PRKCE: variants seen among roughly 807,000 people sequenced by gnomAD.
PRKCE encodes the protein protein kinase C epsilon type.
A neutral mutation model predicts 85.4 loss-of-function variants in PRKCE; 16 were observed. The ratio of observed to expected loss-of-function variants is 0.19; its 90% CI spans 0.13 to 0.28. The LOEUF (loss-of-function observed/expected upper bound fraction) is 0.28, where lower values mean the gene tolerates loss of function less well. PRKCE is among the 10% of genes least tolerant of loss of function. The pLI is 1.00. For synonymous variants in PRKCE, 388 were observed against 371.5 expected (o/e 1.04, Z -0.51); for missense variants, 573 against 975.2 (o/e 0.59, Z 5.49).
rs138247815 is a variant in PRKCE at position 45,977,763 on chromosome 2, T to C, written c.572+1175T>C. 3.9e-5 allele frequency among the ~76,000 whole-genome samples: 6 copies of C among 152,246 alleles called. No homozygotes were observed. In the East Asian group the frequency reaches 9.6e-4, roughly 24 times the overall value. ...TGAGACTGGCCTGATGTCCTCTAGC[T>C]AGGAAGTGTCAGAAGTATGATTCTA... On this transcript the variant is annotated intron_variant, in intron 3 of 14. Coordinates refer to ENST00000306156, the MANE Select transcript of PRKCE (RefSeq NM_005400.3).
chr2:46,109,989 C>T (rs982589096), intron 11 of PRKCE, among the ~76,000 whole-genome samples: 9 of 152,156 alleles, frequency 5.9e-5, no homozygotes, highest in East Asian at 3.9e-4. Context: ...GCTATTGATA[C>T]GGCAGACTAC....
In PRKCE at chr2:45,736,411, A is replaced by G. The variant is rs1395649751; in HGVS notation, c.348+83963A>G. Among the ~76,000 whole-genome samples the G allele has an allele frequency of 2.0e-5, 3 of 152,152 alleles. No homozygotes were observed. In the East Asian group the frequency reaches 5.8e-4, roughly 29 times the overall value. On this transcript the variant is annotated intron_variant, in intron 1 of 14. Transcript: ENST00000306156. ...GCAGGGCTGGTGTTCCTGTGACTAG[A>G]TCATACTGTCTAAAGCATTTTTCTT...
chr2:45,858,595 G>C (rs1456063234), intron 2 of PRKCE, among the ~76,000 whole-genome samples: 1 of 152,022 alleles, frequency 6.6e-6, no homozygotes, highest in Non-Finnish European at 1.5e-5. Flanking sequence ...CACTGACTTT[G>C]TCTTTGCCAT....
chr2:46,080,023 TGGA>T (rs1233106816), intron 10 of PRKCE, among the ~76,000 whole-genome samples: 1 of 152,088 alleles, frequency 6.6e-6, no homozygotes, highest in African/African-American at 2.4e-5. Flanking sequence ...GAGGAGGAGG[TGGA>T]ATAAGGCTTT....
At position 45,980,307 on chromosome 2, in the gene PRKCE, G is replaced by A. The variant is rs957679933; in HGVS notation, c.619G>A (p.Val207Met). Reference protein sequence around the residue: ...QGYQCQVCTCVVHKRCHELII... With the variant: ...QGYQCQVCTCMVHKRCHELII... ...TTTGCTATTTGCAGTCTGCACCTGC[G>A]TGGTCCACAAGCGGTGCCACGAGCT... is the stretch of plus-strand genomic sequence containing the variant. The change falls in exon 5 of 15, where the codon GTG becomes ATG. Residue 207 changes from valine (V) to methionine (M), a missense_variant. This residue lies in a region of PRKCE where 29 missense variants were observed against 96.2 expected (regional missense o/e 0.30). Coordinates refer to ENST00000306156, the MANE Select transcript of PRKCE (RefSeq NM_005400.3). The A allele has an allele frequency of 2.5e-6, 4 of 1,599,638 alleles. No individual in the cohort carries two copies. Among genetic ancestry groups the A allele is most frequent in the African/African-American group, 2.7e-5 (2 of 75,008 alleles).
chr2:45,695,336 G>A (rs1424146463), intron 1 of PRKCE, among the ~76,000 whole-genome samples: 1 of 152,152 alleles, frequency 6.6e-6, no homozygotes, highest in Non-Finnish European at 1.5e-5. Context: ...TCAGGCTGGA[G>A]GTAGAGAGGT....
intron 1 of PRKCE, among the ~76,000 whole-genome samples, chr2:45,726,768 C>A (rs1357257367): frequency 2.0e-5 from 3 of 152,118 alleles, no homozygotes; most frequent in African/African-American, 7.2e-5. Context: ...GAGCCTGTGG[C>A]TACTGATCCT....
At chr2:45,798,781 C>A (rs1433166127) in intron 1 of PRKCE, among the ~76,000 whole-genome samples, 15 of 147,626 alleles carry the variant, frequency 1.0e-4, no homozygotes, top group African/African-American at 3.8e-4. Context: ...TTTTTTTTTA[C>A]CTGTTTTCAG....
chr2:45,774,580 TG>T lies in PRKCE; in HGVS notation c.349-68418del, dbSNP rs1172438086. Among the ~76,000 whole-genome samples, 1 of 152,180 alleles carries T rather than the reference TG, an allele frequency of 6.6e-6. No homozygotes were observed. Among genetic ancestry groups the T allele is most frequent in the Non-Finnish European group, 1.5e-5 (1 of 68,034 alleles). ...TGAATGCCAGGAATCGGGTGGCTTT[TG>T]GTGTGACTGTACAGAGCAGGCAGCC... On this transcript the variant is annotated intron_variant, in intron 1 of 14. Coordinates refer to ENST00000306156, the MANE Select transcript of PRKCE (RefSeq NM_005400.3). This position sits in a 1 kb window ranked among gnomAD's most constrained non-coding sequence, Gnocchi z 4.3.
chr2:46,079,245 G>A (rs540899980), intron 10 of PRKCE, among the ~76,000 whole-genome samples: 1 of 151,894 alleles, frequency 6.6e-6, no homozygotes, highest in East Asian at 1.9e-4. Context: ...TTCTCTAAGT[G>A]ATAAAGCCTG....
At chr2:46,025,401 C>G (rs1336418311) in intron 10 of PRKCE, among the ~76,000 whole-genome samples, 2 of 152,130 alleles carry the variant, frequency 1.3e-5, no homozygotes, top group East Asian at 3.9e-4. Context: ...AACTTAATAT[C>G]AGGTATTCCA....
intron 1 of PRKCE, among the ~76,000 whole-genome samples, chr2:45,759,030 C>T (rs1424304975): frequency 6.6e-6 from 1 of 152,168 alleles, no homozygotes; most frequent in Non-Finnish European, 1.5e-5. Flanking sequence ...ATGCCTCCCA[C>T]AGGGTGATTG....
At chr2:45,940,691 T>G (rs1699809130) in intron 2 of PRKCE, among the ~76,000 whole-genome samples, 1 of 149,668 alleles carries the variant, frequency 6.7e-6, no homozygotes, top group South Asian at 2.1e-4. Flanking sequence ...ATGTCACACA[T>G]GCTTTCACTC....
intron 1 of PRKCE, among the ~76,000 whole-genome samples, chr2:45,741,418 T>C (rs369806452): frequency 6.6e-6 from 1 of 152,104 alleles, no homozygotes; most frequent in African/African-American, 2.4e-5. Context: ...AGACAGGGTC[T>C]TGGGCCGACT....
intron 11 of PRKCE, among the ~76,000 whole-genome samples, chr2:46,092,418 G>A (rs1253383900): frequency 2.0e-5 from 3 of 152,110 alleles, no homozygotes; most frequent in South Asian, 2.1e-4. Context: ...TCGTGTGCCC[G>A]GTGCCAGAAT....
At chr2:46,074,718 C>A (rs949652407) in intron 10 of PRKCE, among the ~76,000 whole-genome samples, 2 of 152,218 alleles carry the variant, frequency 1.3e-5, no homozygotes, top group Non-Finnish European at 2.9e-5. Flanking sequence ...TGAGGCCCAG[C>A]TCCAGCATCA....
intron 1 of PRKCE, among the ~76,000 whole-genome samples, chr2:45,737,857 C>T (rs1314251486): frequency 2.0e-5 from 3 of 152,124 alleles, no homozygotes; most frequent in African/African-American, 7.2e-5. Context: ...ACCTGGACAT[C>T]GCCCCAAGTT....
At chr2:46,066,226 T>G (rs1192006529) in intron 10 of PRKCE, among the ~76,000 whole-genome samples, 1 of 152,178 alleles carries the variant, frequency 6.6e-6, no homozygotes, top group Non-Finnish European at 1.5e-5. Flanking sequence ...CTTCCTTTGT[T>G]TTGATGTATC....
chr2:45,662,882 A>AGCAG (rs1553372118), intron 1 of PRKCE, among the ~76,000 whole-genome samples: 3 of 152,092 alleles, frequency 2.0e-5, no homozygotes, highest in Non-Finnish European at 2.9e-5. Flanking sequence ...CAAGCAAGCA[A>AGCAG]GCAAGCAAGC....
Sources: gnomAD v4.1 joint callset for allele counts (sites outside exome capture counted in the v4.1 genomes callset) on GRCh38, gnomAD v4.1.1 for gene constraint, gnomAD v4.1.1 regional missense constraint, Gnocchi (gnomAD v3.1) non-coding constraint, MANE v1.5 for transcripts, NCBI Gene and HGNC (gene_info 2026-07-23, HGNC 2026-07-21) for gene names.